PPM1H: variants seen among roughly 807,000 people sequenced by gnomAD.
PPM1H encodes protein phosphatase, Mg2+/Mn2+ dependent 1H.
PPM1H carries 27 observed loss-of-function variants against 54.9 expected under a neutral mutation model. That is an observed-to-expected ratio of 0.49 (90% CI 0.36 to 0.68). The LOEUF is 0.68. Among genes scored for constraint, PPM1H ranks in the 30% least tolerant of loss-of-function variants. PPM1H has a pLI of 0.00. For missense variants in PPM1H, 596 were observed against 667.8 expected, an observed-to-expected ratio of 0.89 and a Z score of 1.19; for synonymous variants, 305 against 270.8, an observed-to-expected ratio of 1.13 and a Z score of -1.24.
At chr12:62,820,955 G>A (rs557320828) in intron 2 of PPM1H, among the ~76,000 whole-genome samples, 4 of 152,176 alleles carry the variant, frequency 2.6e-5, no homozygotes, top group Admixed American at 6.5e-5. Flanking sequence ...TCAGGAGGTC[G>A]GTAATAACAA....
At chr12:62,811,653 C>G (rs114550678) in intron 2 of PPM1H, among the ~76,000 whole-genome samples, 326 of 152,288 alleles carry the variant, frequency 2.1e-3, no homozygotes, top group African/African-American at 7.6e-3. Context: ...CACCTCCATG[C>G]TGTTCTTGTG....
chr12:62,778,310 G>C (rs2076622477), intron 4 of PPM1H, among the ~76,000 whole-genome samples: 1 of 152,144 alleles, frequency 6.6e-6, no homozygotes, highest in Non-Finnish European at 1.5e-5. Context: ...CTTGGGCCTG[G>C]GTACACGACT....
intron 2 of PPM1H, among the ~76,000 whole-genome samples, chr12:62,804,260 G>A (rs1299236595): frequency 6.6e-6 from 1 of 151,892 alleles, no homozygotes; most frequent in Non-Finnish European, 1.5e-5. Context: ...AAGTTGAAAT[G>A]GGAGAATCCC....
intron 1 of PPM1H, chr12:62,840,173 T>G (rs1868691374): frequency 6.6e-6 from 1 of 152,014 alleles, no homozygotes. Flanking sequence ...AAATCCAAGT[T>G]CAAGATATCA....
chr12:62,764,214 C>G (rs530313287), intron 4 of PPM1H, among the ~76,000 whole-genome samples: 4 of 152,188 alleles, frequency 2.6e-5, no homozygotes, highest in African/African-American at 9.6e-5. Context: ...CCAGAGAGAC[C>G]ACAGACTCTG....
At chr12:62,762,593 G>C (rs79116951) in intron 4 of PPM1H, among the ~76,000 whole-genome samples, 8,962 of 152,302 alleles carry the variant, frequency 0.059, 417 homozygotes, top group Non-Finnish European at 0.088. Context: ...AGGGTGCTAG[G>C]GGGAGGATGC....
At chr12:62,821,318 G>A (rs566973807) in intron 2 of PPM1H, among the ~76,000 whole-genome samples, 3 of 152,316 alleles carry the variant, frequency 2.0e-5, no homozygotes, top group South Asian at 4.1e-4. Flanking sequence ...AAGTGACAGG[G>A]AGAATGGAAA....
At chr12:62,749,997 C>T (rs976779691) in intron 4 of PPM1H, among the ~76,000 whole-genome samples, 10 of 151,604 alleles carry the variant, frequency 6.6e-5, no homozygotes, top group South Asian at 4.2e-4. Context: ...AGTGCGCCAG[C>T]GCAAAATTTT....
rs1458783300 is a variant in PPM1H at position 62,646,129 on chromosome 12, T to G, written c.*2360A>C. 1 of 152,242 alleles carries G rather than the reference T, an allele frequency of 6.6e-6. No homozygotes were observed. The highest frequency in any genetic ancestry group is 1.5e-5 in the Non-Finnish European group (1 of 68,048). The allele number at this position is 152,242 out of a possible 1,614,324, so 9.4% of individuals were successfully genotyped here. ...ACTTGACTTTATCTTCTAACTAAGA[T>G]CTTTCCACTCAAGGGGGCGTAGGAA... On this transcript the variant is annotated 3_prime_UTR_variant, in exon 10 of 10. Coordinates refer to ENST00000228705, the MANE Select transcript of PPM1H (RefSeq NM_020700.2).
chr12:62,675,203 G>A (rs2075979020), intron 8 of PPM1H, among the ~76,000 whole-genome samples: 1 of 152,200 alleles, frequency 6.6e-6, no homozygotes, highest in Non-Finnish European at 1.5e-5. Flanking sequence ...TGACTTTGGA[G>A]GGTAGATACG....
At chr12:62,872,120 T>C (rs1008136802) in intron 1 of PPM1H, among the ~76,000 whole-genome samples, 3 of 152,232 alleles carry the variant, frequency 2.0e-5, no homozygotes, top group Non-Finnish European at 2.9e-5. Flanking sequence ...AGATGAGGTA[T>C]AAACATGTTA....
In PPM1H at chr12:62,894,238, C is replaced by T. The variant is rs946848889; in HGVS notation, c.245+40254G>A. On this transcript the variant is annotated intron_variant, in intron 1 of 9. Transcript: ENST00000228705. ...AGCAATAGATGACGGGAATAACTTC[C>T]GTGGCAGAGGCCCCAGGATAGGAGC... 2.0e-5 allele frequency among the ~76,000 whole-genome samples: 3 copies of T among 152,224 alleles called. No homozygotes were observed. In the East Asian group the frequency reaches 5.8e-4, roughly 29 times the overall value.
rs145374768 is a variant in PPM1H, at chr12:62,681,892, T to G, written c.1245+7807A>C. 2.0e-5 allele frequency among the ~76,000 whole-genome samples: 3 copies of G among 152,352 alleles called. No homozygotes were observed. The East Asian group carries it at 5.8e-4, about 29-fold the overall frequency. ...AGGAAGAAGAGCTAGGAACTAATAT[T>G]TATTATGCCAGGTTTTTTGTTAAGT... is the stretch of plus-strand genomic sequence containing the variant. On this transcript the variant is annotated intron_variant, in intron 8 of 9. Transcript: ENST00000228705.
At chr12:62,769,487 G>A (rs867528967) in intron 4 of PPM1H, among the ~76,000 whole-genome samples, 5 of 152,218 alleles carry the variant, frequency 3.3e-5, no homozygotes, top group African/African-American at 9.6e-5. Flanking sequence ...CTGTTTGAGA[G>A]CCTGCTCATA....
Position 62,677,067 on chromosome 12 carries a change from A to G in PPM1H, c.1246-9738T>C, listed in dbSNP as rs568427185. On this transcript the variant is annotated intron_variant, in intron 8 of 9. Coordinates refer to ENST00000228705, the MANE Select transcript of PPM1H (RefSeq NM_020700.2). The stretch of plus-strand genomic sequence containing the variant: ...AGACTCAGCCAGACTCACAGAGACA[A>G]TGGGACAACCTGCCTGCAGATAGGA... 2.6e-5 allele frequency among the ~76,000 whole-genome samples: 4 copies of G among 152,208 alleles called. No individual in the cohort carries two copies. In the East Asian group the frequency reaches 7.8e-4, roughly 30 times the overall value.
At chr12:62,763,236 G>T (rs943517551) in intron 4 of PPM1H, among the ~76,000 whole-genome samples, 2 of 152,212 alleles carry the variant, frequency 1.3e-5, no homozygotes, top group Non-Finnish European at 2.9e-5. Flanking sequence ...GCGGACCGGG[G>T]TTGAGTGCTG....
intron 2 of PPM1H, among the ~76,000 whole-genome samples, chr12:62,816,028 C>T (rs1200706537): frequency 6.6e-6 from 1 of 152,094 alleles, no homozygotes; most frequent in Non-Finnish European, 1.5e-5. Flanking sequence ...AAAGAGAAAT[C>T]ATAATGGAAA....
At chr12:62,732,180 C>G (rs759328024) in intron 5 of PPM1H, among the ~76,000 whole-genome samples, 3 of 152,176 alleles carry the variant, frequency 2.0e-5, no homozygotes, top group Non-Finnish European at 4.4e-5. Context: ...ACACACCTGC[C>G]ACATTCCGTG....
At chr12:62,679,987 G>C (rs1024813211) in intron 8 of PPM1H, among the ~76,000 whole-genome samples, 2 of 152,186 alleles carry the variant, frequency 1.3e-5, no homozygotes, top group Non-Finnish European at 2.9e-5. Context: ...GTGATACAGT[G>C]TCTGTCTCCA....
Sources: gnomAD v4.1 joint callset for allele counts (sites outside exome capture counted in the v4.1 genomes callset) on GRCh38, gnomAD v4.1.1 for gene constraint, MANE v1.5 for transcripts, NCBI Gene and HGNC (gene_info 2026-07-23, HGNC 2026-07-21) for gene names.